Variants in KNCN observed in about 807,000 individuals in gnomAD.
KNCN encodes the protein kinocilin.
A neutral mutation model predicts 10.4 loss-of-function variants in KNCN; 11 were observed. That is an observed-to-expected ratio of 1.06 (90% CI 0.67 to 1.75). The LOEUF is 1.75. Among genes scored for constraint, KNCN ranks in the 40% most tolerant of loss-of-function variants. KNCN has a pLI of 0.00. For missense variants in KNCN, 172 were observed against 167.1 expected (o/e 1.03, Z -0.16); for synonymous variants, 67 against 71.6 (o/e 0.94, Z 0.33).
rs1303235459 is a variant in KNCN, at chr1:46,546,688, T to A, written c.*1042A>T. The A allele has an allele frequency of 6.6e-6, 1 of 152,266 alleles. No homozygotes were observed. The highest frequency in any genetic ancestry group is 1.5e-5 in the Non-Finnish European group (1 of 68,094). 9.4% of individuals were successfully genotyped at this position (152,266 alleles called of 1,614,324 possible). The stretch of plus-strand genomic sequence containing the variant: ...AAAGCCTAGGGAATTGTTTTTACAT[T>A]AAATTGAATCCATTAACATTTATTA... On this transcript the variant is annotated 3_prime_UTR_variant, in exon 4 of 4. Coordinates refer to ENST00000481882, the MANE Select transcript of KNCN (RefSeq NM_001322255.2).
At chr1:46,550,564 G>GATGGC (rs1238420381) in intron 1 of KNCN, among the ~76,000 whole-genome samples, 1 of 151,740 alleles carries the variant, frequency 6.6e-6, no homozygotes, top group African/African-American at 2.4e-5. Flanking sequence ...TGAGGTGAGG[G>GATGGC]ATGGCATTCA....
chr1:46,549,364 C>T (rs762133146), intron 2 of KNCN, 97 bp from the exon 3 acceptor site: 3 of 804,130 alleles, frequency 3.7e-6, no homozygotes, highest in Non-Finnish European at 6.0e-6. Flanking sequence ...ATCTAGTCTC[C>T]ATCCCTGATG....
Position 46,550,097 on chromosome 1 carries a change from T to G in KNCN, c.152-95A>C. The G allele has an allele frequency of 1.9e-6, 3 of 1,545,390 alleles. No individual in the cohort carries two copies. The South Asian group carries it at 3.6e-5, about 18-fold the overall frequency. On this transcript the variant is annotated intron_variant, in intron 1 of 3. Transcript: ENST00000481882. Reference sequence around the variant, plus strand: ...GGAGCCTGAGGGGTGGTTTGTGAGATATGGGTGTGCATGGGAGGAGCACAG... The same window carrying G: ...GGAGCCTGAGGGGTGGTTTGTGAGAGATGGGTGTGCATGGGAGGAGCACAG...
At chr1:46,550,267 A>C (rs935876933) in intron 1 of KNCN, among the ~76,000 whole-genome samples, 2 of 152,098 alleles carry the variant, frequency 1.3e-5, no homozygotes, top group African/African-American at 4.8e-5. Flanking sequence ...AGTGAAGAGC[A>C]GGTTGCTGGA....
rs1158215751 is a variant in KNCN, at chr1:46,547,290, G to A, written c.*440C>T. ...GCCCCTGGGCTAGACCGTGGGGGTG[G>A]AGGGTCCCTGTCTGTGGTTCTTGTG... On this transcript the variant is annotated 3_prime_UTR_variant, in exon 4 of 4. Coordinates refer to ENST00000481882, the MANE Select transcript of KNCN (RefSeq NM_001322255.2). 4 of 428,350 alleles carry A rather than the reference G, an allele frequency of 9.3e-6. No individual in the cohort carries two copies. The highest frequency in any genetic ancestry group is 1.9e-5 in the Non-Finnish European group (4 of 213,724). 26.5% of individuals were successfully genotyped at this position (428,350 alleles called of 1,614,324 possible).
Position 46,551,454 on chromosome 1 carries a change from T to C in KNCN, c.-239A>G. 1 of 458,160 alleles carries C rather than the reference T, an allele frequency of 2.2e-6. No individual in the cohort carries two copies. Among genetic ancestry groups the C allele is most frequent in the East Asian group, 4.4e-5 (1 of 22,936 alleles). 28.4% of individuals were successfully genotyped at this position (458,160 alleles called of 1,614,324 possible). ...ATCTGTACGAGGTCACCCAGCTTAC[T>C]CTTCCTCTCTCAAAGCCCTCTGAAG... On this transcript the variant is annotated 5_prime_UTR_variant, in exon 1 of 4. Coordinates refer to ENST00000481882, the MANE Select transcript of KNCN (RefSeq NM_001322255.2). The surrounding 1 kb of genome is among the most constrained non-coding windows in gnomAD (Gnocchi z 4.0).
At position 46,551,050 on chromosome 1, in the gene KNCN, C is replaced by T; in HGVS notation, c.151+15G>A. 4 of 1,573,192 alleles carry T rather than the reference C, an allele frequency of 2.5e-6. No individual in the cohort carries two copies. Among genetic ancestry groups the T allele is most frequent in the Non-Finnish European group, 2.6e-6 (3 of 1,158,606 alleles). ...CAGAATCTCCCTTCCCTATCCCAGC[C>T]CAGCCCCTGCTCACCCAGAACAGCA... On this transcript the variant is annotated intron_variant, in intron 1 of 3. Coordinates refer to ENST00000481882, the MANE Select transcript of KNCN (RefSeq NM_001322255.2). The surrounding 1 kb of genome is among the most constrained non-coding windows in gnomAD (Gnocchi z 4.0).
In KNCN at chr1:46,546,096, G is replaced by A. The variant is rs1457375971; in HGVS notation, c.*1634C>T. 2 of 152,206 alleles carry A rather than the reference G, an allele frequency of 1.3e-5. No individual in the cohort carries two copies. Among genetic ancestry groups the A allele is most frequent in the Non-Finnish European group, 2.9e-5 (2 of 68,052 alleles). 9.4% of individuals were successfully genotyped at this position (152,206 alleles called of 1,614,324 possible). A position where few individuals can be genotyped will look rare whatever the true frequency, so the allele number is the denominator to read the frequency against. On this transcript the variant is annotated 3_prime_UTR_variant, in exon 4 of 4. Transcript: ENST00000481882. ...CTTCATGGAGGTCTGTCGCACTGTT[G>A]TCAGAGAACTGATCCCTGCCACTTG...
chr1:46,550,319 A>G (rs1302449133), intron 1 of KNCN, among the ~76,000 whole-genome samples: 1 of 151,908 alleles, frequency 6.6e-6, no homozygotes, highest in Non-Finnish European at 1.5e-5. Context: ...TGCTGTCCCC[A>G]CGCTTCCCCA....
At position 46,551,158 on chromosome 1, in the gene KNCN, G is replaced by C; in HGVS notation, c.58C>G (p.Leu20Val). The change falls in exon 1 of 4, where the codon CTC (leucine) becomes GTC (valine). Residue 20 changes from leucine (L) to valine (V), a missense_variant. Physicochemically the swap from Leu to Val is conservative, Grantham distance 32 (BLOSUM62 1). Transcript: ENST00000481882. The surrounding 1 kb of genome is among the most constrained non-coding windows in gnomAD (Gnocchi z 4.0). ...ATGATGCTGCCAGCCACCAGCCCGA[G>C]AGCCACGCAGGCCAGCTGCAGGCCG... ...FRGLQLACVA[L>V]GLVAGSIIIG... 1 of 1,611,190 alleles carries C rather than the reference G, an allele frequency of 6.2e-7. No homozygotes were observed. Among genetic ancestry groups the C allele is most frequent in the Non-Finnish European group, 8.5e-7 (1 of 1,178,750 alleles).
At chr1:46,548,273 A>C (rs1666989520) in intron 3 of KNCN, among the ~76,000 whole-genome samples, 2 of 152,206 alleles carry the variant, frequency 1.3e-5, no homozygotes, top group African/African-American at 4.8e-5. Flanking sequence ...AGTATTAGGC[A>C]TCCAACCCCT....
In KNCN at chr1:46,546,196, C is replaced by T. The variant is rs2148506311; in HGVS notation, c.*1534G>A. On this transcript the variant is annotated 3_prime_UTR_variant, in exon 4 of 4. Transcript: ENST00000481882. ...CTGGCTGCAGGCCTGGCCCCGTGAT[C>T]TTTCACCATGGGACTCGATGAGTCC... The T allele has an allele frequency of 6.6e-6, 1 of 152,340 alleles. No homozygotes were observed. The highest frequency in any genetic ancestry group is 2.4e-5 in the African/African-American group (1 of 41,568). The allele number at this position is 152,340 out of a possible 1,614,324, so 9.4% of individuals were successfully genotyped here. A position where few individuals can be genotyped will look rare whatever the true frequency, so the allele number is the denominator to read the frequency against.
intron 2 of KNCN, 79 bp from the exon 3 acceptor site, chr1:46,549,346 T>C: frequency 9.6e-7 from 1 of 1,043,212 alleles, no homozygotes; most frequent in Non-Finnish European, 1.4e-6. Context: ...AGGGAAGTCC[T>C]TCTTGCTATC....
chr1:46,545,720 AT>A lies in KNCN; in HGVS notation c.*2009del, dbSNP rs1374094253. On this transcript the variant is annotated 3_prime_UTR_variant, in exon 4 of 4. Transcript: ENST00000481882. ...GGCCCTGCCAGGCATCGGGGATTCC[AT>A]AGCCCCACCCTGGGGAGAGCATGGC... The A allele has an allele frequency of 2.6e-5, 4 of 152,168 alleles. No individual in the cohort carries two copies. Among genetic ancestry groups the A allele is most frequent in the Non-Finnish European group, 5.9e-5 (4 of 68,062 alleles). 9.4% of individuals were successfully genotyped at this position (152,168 alleles called of 1,614,324 possible). A position where few individuals can be genotyped will look rare whatever the true frequency, so the allele number is the denominator to read the frequency against.
chr1:46,550,344 G>A (rs535539158), intron 1 of KNCN, among the ~76,000 whole-genome samples: 50 of 152,292 alleles, frequency 3.3e-4, no homozygotes, highest in African/African-American at 1.1e-3. Flanking sequence ...CCCCAGGGCC[G>A]GACTGGGTGC....
Position 46,549,929 on chromosome 1 carries a change from C to T in KNCN, c.220+5G>A. The stretch of plus-strand genomic sequence containing the variant: ...GGGTCTGCTGGGGTCAGGGAGAGGC[C>T]TCACCTATGGTAGGCAGGATGTGGT... On this transcript the variant is annotated splice_donor_5th_base_variant and intron_variant, in intron 2 of 3. Transcript: ENST00000481882. 1.3e-6 allele frequency: 2 copies of T among 1,550,572 alleles called. No individual in the cohort carries two copies. Among genetic ancestry groups the T allele is most frequent in the Non-Finnish European group, 1.7e-6 (2 of 1,146,974 alleles).
chr1:46,549,251 A>C lies in KNCN; in HGVS notation c.237T>G (p.His79Gln). 1.2e-6 allele frequency: 2 copies of C among 1,612,622 alleles called. No homozygotes were observed. Among genetic ancestry groups the C allele is most frequent in the African/African-American group, 2.7e-5 (2 of 74,912 alleles). ...ILPTIGSLRIHPHPGADHGEG... is the reference protein window; with the variant it reads ...ILPTIGSLRIQPHPGADHGEG... ...CCCCGTGGTCTGCCCCTGGATGGGG[A>C]TGGATTCTTAGGCTCCCTGCAGGAT... Residue 79 changes from histidine (H) to glutamine (Q), a missense_variant, in exon 3 of 4, where the codon CAT becomes CAG. Physicochemically the swap from His to Gln is conservative, Grantham distance 24 (BLOSUM62 0). Transcript: ENST00000481882.
In KNCN at chr1:46,547,715, C is replaced by G; in HGVS notation, c.*15G>C. 6.6e-7 allele frequency: 1 copy of G among 1,515,710 alleles called. No individual in the cohort carries two copies. Among genetic ancestry groups the G allele is most frequent in the South Asian group, 1.3e-5 (1 of 78,426 alleles). 93.9% of individuals were successfully genotyped at this position (1,515,710 alleles called of 1,614,324 possible). ...GATGGGAGGGCAGGGCATGGGCAGCCGCTCAGACTTTGCCTCAGCATTCCT... is the reference window on the plus strand; with the variant it reads ...GATGGGAGGGCAGGGCATGGGCAGCGGCTCAGACTTTGCCTCAGCATTCCT... On this transcript the variant is annotated 3_prime_UTR_variant, in exon 4 of 4. Coordinates refer to ENST00000481882, the MANE Select transcript of KNCN (RefSeq NM_001322255.2).
Position 46,551,268 on chromosome 1 carries a change from G to T in KNCN, c.-53C>A. On this transcript the variant is annotated 5_prime_UTR_variant, in exon 1 of 4. Transcript: ENST00000481882. This position sits in a 1 kb window ranked among gnomAD's most constrained non-coding sequence, Gnocchi z 4.0. ...GCCGGTGCAGTCTGGCCCCAGAAAA[G>T]TCCTGGAAGTTTCTGGGCTCTTGGA... 4 of 1,555,330 alleles carry T rather than the reference G, an allele frequency of 2.6e-6. No homozygotes were observed. The highest frequency in any genetic ancestry group is 3.5e-6 in the Non-Finnish European group (4 of 1,157,430).
Sources: allele counts gnomAD v4.1 joint callset (sites outside exome capture counted in the v4.1 genomes callset), GRCh38; gene constraint gnomAD v4.1.1; non-coding constraint Gnocchi (gnomAD v3.1); transcripts MANE v1.5; gene names NCBI Gene and HGNC (gene_info 2026-07-23, HGNC 2026-07-21).